The following ZCCHC24 variants were observed in gnomAD, a reference collection of about 807,000 sequenced individuals.
The protein encoded by ZCCHC24 is zinc finger CCHC-type containing 24, also known as zinc finger CCHC domain-containing protein 24.
A neutral mutation model predicts 26.2 loss-of-function variants in ZCCHC24; 10 were observed. The ratio of observed to expected loss-of-function variants is 0.38; its 90% CI spans 0.24 to 0.65. The LOEUF (loss-of-function observed/expected upper bound fraction) is 0.65, where lower values mean the gene tolerates loss of function less well. Ranked by LOEUF, ZCCHC24 falls within the 30% of genes least tolerant of loss-of-function variation. ZCCHC24 has a pLI of 0.54. For missense variants in ZCCHC24, 243 were observed against 329.1 expected, an observed-to-expected ratio of 0.74 and a Z score of 2.03; for synonymous variants, 144 against 147.1, an observed-to-expected ratio of 0.98 and a Z score of 0.15.
intron 1 of ZCCHC24, among the ~76,000 whole-genome samples, chr10:79,440,346 T>C (rs1421448207): frequency 2.6e-5 from 4 of 152,188 alleles, no homozygotes; most frequent in Admixed American, 2.0e-4. Context: ...CATGCCCCCA[T>C]GCTGGGTTGA....
intron 2 of ZCCHC24, among the ~76,000 whole-genome samples, chr10:79,406,366 C>G (rs1345749451): frequency 1.3e-5 from 2 of 152,154 alleles, no homozygotes; most frequent in Non-Finnish European, 2.9e-5. Flanking sequence ...GAGGGGAGCT[C>G]TGCAGAGGAA....
intron 2 of ZCCHC24, among the ~76,000 whole-genome samples, chr10:79,428,351 T>C (rs939130032): frequency 2.1e-5 from 3 of 140,500 alleles, no homozygotes; most frequent in Non-Finnish European, 4.7e-5. Context: ...TGGTGGTTGC[T>C]GGGGGGCAGG....
At chr10:79,405,678 G>C (rs1856701932) in intron 2 of ZCCHC24, among the ~76,000 whole-genome samples, 1 of 152,234 alleles carries the variant, frequency 6.6e-6, no homozygotes, top group South Asian at 2.1e-4. Flanking sequence ...GAGGGAAGGT[G>C]GTGGGTCAAG....
intron 2 of ZCCHC24, 21 bp downstream of exon 2, chr10:79,432,537 C>T (rs1324680490): frequency 6.3e-7 from 1 of 1,587,934 alleles, no homozygotes; most frequent in Non-Finnish European, 8.6e-7. Flanking sequence ...AAGAGCACCC[C>T]CTGGGCCAGG....
At chr10:79,439,644 T>A (rs2132224703) in intron 1 of ZCCHC24, among the ~76,000 whole-genome samples, 1 of 152,162 alleles carries the variant, frequency 6.6e-6, no homozygotes, top group Admixed American at 6.5e-5. Flanking sequence ...TACAAAAAAT[T>A]AGCCAGGTGT....
chr10:79,386,652 G>C (rs1439342283), intron 3 of ZCCHC24, among the ~76,000 whole-genome samples, 194 bp from the exon 4 acceptor site: 1 of 152,134 alleles, frequency 6.6e-6, no homozygotes, highest in Non-Finnish European at 1.5e-5. Flanking sequence ...ACCCGATGAG[G>C]GGTGGGGAGA....
At chr10:79,423,102 G>C (rs1856969810) in intron 2 of ZCCHC24, among the ~76,000 whole-genome samples, 1 of 152,166 alleles carries the variant, frequency 6.6e-6, no homozygotes. Flanking sequence ...TGGAGTGGTA[G>C]TACGTGAAGT....
At chr10:79,444,477 C>G (rs34613014) in intron 1 of ZCCHC24, among the ~76,000 whole-genome samples, 6,918 of 152,158 alleles carry the variant, frequency 0.045, 260 homozygotes, top group African/African-American at 0.1. Context: ...CCTCTCCCCC[C>G]CCCTTTCTAG....
chr10:79,441,079 A>AACACACACACACACACACAC lies in ZCCHC24; in HGVS notation c.246+4096_246+4115dup, dbSNP rs55762333. Among the ~76,000 whole-genome samples the AACACACACACACACACACAC allele has an allele frequency of 3.0e-3, 412 of 135,652 alleles. 2 individuals carry two copies. Among genetic ancestry groups the AACACACACACACACACACAC allele is most frequent in the African/African-American group, 4.8e-3 (170 of 35,474 alleles). The allele number at this position is 135,652 out of a possible 152,430, so 89.0% of individuals were successfully genotyped here. A position where few individuals can be genotyped will look rare whatever the true frequency, so the allele number is the denominator to read the frequency against. On this transcript the variant is annotated intron_variant, in intron 1 of 3. Coordinates refer to ENST00000372336, the MANE Select transcript of ZCCHC24 (RefSeq NM_153367.4). The stretch of plus-strand genomic sequence containing the variant: ...TCTCAGGCCCTGGAGCTGCCCCCTA[A>AACACACACACACACACACAC]ACACACACACACACACACACACACA...
At position 79,445,415 on chromosome 10, in the gene ZCCHC24, G is replaced by A; in HGVS notation, c.26C>T (p.Thr9Met). 1.3e-6 allele frequency: 2 copies of A among 1,488,676 alleles called. No individual in the cohort carries two copies. Among genetic ancestry groups the A allele is most frequent in the South Asian group, 1.3e-5 (1 of 77,446 alleles). 92.2% of individuals were successfully genotyped at this position (1,488,676 alleles called of 1,614,324 possible). ...GGGCTGGTACACCGAGGCGGCGCTC[G>A]TGTCGATGGCCGACAGCAGGCTCAT... MSLLSAID[T>M]SAASVYQPAQ... Residue 9 changes from threonine to methionine, a missense_variant, in exon 1 of 4, where the codon ACG (threonine) becomes ATG (methionine). Coordinates refer to ENST00000372336, the MANE Select transcript of ZCCHC24 (RefSeq NM_153367.4).
intron 2 of ZCCHC24, among the ~76,000 whole-genome samples, chr10:79,422,767 T>A (rs2145993): frequency 6.6e-6 from 1 of 152,174 alleles, no homozygotes; most frequent in African/African-American, 2.4e-5. Context: ...CGCGGCGCCC[T>A]GTTCTTAGCT....
At chr10:79,404,278 G>A (rs756436092) in intron 2 of ZCCHC24, among the ~76,000 whole-genome samples, 3 of 152,340 alleles carry the variant, frequency 2.0e-5, no homozygotes, top group Non-Finnish European at 4.4e-5. Context: ...CCAGCCAGGC[G>A]ATTTGAAGTA....
intron 2 of ZCCHC24, among the ~76,000 whole-genome samples, chr10:79,425,376 G>A (rs999604609): frequency 1.3e-5 from 2 of 152,244 alleles, no homozygotes; most frequent in African/African-American, 4.8e-5. Flanking sequence ...GAGGCTGGGT[G>A]GTGAAACTAC....
intron 2 of ZCCHC24, among the ~76,000 whole-genome samples, chr10:79,416,485 A>G (rs1316290029): frequency 6.6e-6 from 1 of 152,068 alleles, no homozygotes; most frequent in Non-Finnish European, 1.5e-5. Flanking sequence ...CTGGTGGGAT[A>G]AGGTGGGGAG....
At chr10:79,427,481 A>G (rs1369196160) in intron 2 of ZCCHC24, among the ~76,000 whole-genome samples, 1 of 152,228 alleles carries the variant, frequency 6.6e-6, no homozygotes, top group Non-Finnish European at 1.5e-5. Flanking sequence ...TTAATATAAT[A>G]TAAAATATCT....
chr10:79,406,174 AATAGAGGCTC>A (rs1856709249), intron 2 of ZCCHC24, among the ~76,000 whole-genome samples: 1 of 152,196 alleles, frequency 6.6e-6, no homozygotes, highest in Non-Finnish European at 1.5e-5. Context: ...CAGGTGAGGA[AATAGAGGCTC>A]AGAGAGGTTA....
Position 79,423,581 on chromosome 10 carries a change from C to CTATATATATATATA in ZCCHC24, c.447+8963_447+8976dup, listed in dbSNP as rs561884774. 4.5e-3 allele frequency among the ~76,000 whole-genome samples: 242 copies of CTATATATATATATA among 53,702 alleles called. 4 individuals carry two copies. The highest frequency in any genetic ancestry group is 0.018 in the African/African-American group (227 of 12,964). The allele number at this position is 53,702 out of a possible 152,430, so 35.2% of individuals were successfully genotyped here. A position where few individuals can be genotyped will look rare whatever the true frequency, so the allele number is the denominator to read the frequency against. On this transcript the variant is annotated intron_variant, in intron 2 of 3. Transcript: ENST00000372336. ...AACAAAAACAAACAAAATATATATA[C>CTATATATATATATA]TATATATATATATATATATATATAT...
In ZCCHC24 at chr10:79,394,518, G is replaced by A. The variant is rs373667011; in HGVS notation, c.448-78C>T. Reference sequence around the variant, plus strand: ...GCCCCACAGGGTTCCCCTGGCCTCCGCCTCAGTCTTCATGTCCTGTGTCCA... The same window carrying A: ...GCCCCACAGGGTTCCCCTGGCCTCCACCTCAGTCTTCATGTCCTGTGTCCA... On this transcript the variant is annotated intron_variant, in intron 2 of 3. Coordinates refer to ENST00000372336, the MANE Select transcript of ZCCHC24 (RefSeq NM_153367.4). The A allele has an allele frequency of 1.4e-4, 218 of 1,554,910 alleles. 1 individual carries two copies. The East Asian group carries it at 3.6e-3, about 26-fold the overall frequency.
In ZCCHC24 at chr10:79,403,646, G is replaced by GTCC; in HGVS notation, c.448-9209_448-9207dup. 4 of 969,250 alleles carry GTCC rather than the reference G, an allele frequency of 4.1e-6. No individual in the cohort carries two copies. The South Asian group carries it at 1.9e-4, about 46-fold the overall frequency. 60.0% of individuals were successfully genotyped at this position (969,250 alleles called of 1,614,324 possible). ...AGGGCCTCCTTGTCTGCGCACAGCC[G>GTCC]TCCTCGCCTCCTTGCCCAGGGCCCC... On this transcript the variant is annotated intron_variant, in intron 2 of 3. Coordinates refer to ENST00000372336, the MANE Select transcript of ZCCHC24 (RefSeq NM_153367.4).
Sources: allele counts gnomAD v4.1 joint callset (sites outside exome capture counted in the v4.1 genomes callset), GRCh38; gene constraint gnomAD v4.1.1; transcripts MANE v1.5; gene names NCBI Gene and HGNC (gene_info 2026-07-23, HGNC 2026-07-21).